The following ZFAND6 variants were observed in gnomAD, a reference collection of about 807,000 sequenced individuals.
The protein encoded by ZFAND6 is zinc finger AN1-type containing 6.
In ZFAND6, 12 loss-of-function variants were observed where a neutral mutation model predicts 24.5. The ratio of observed to expected loss-of-function variants is 0.49; its 90% CI spans 0.31 to 0.79. The LOEUF is 0.79. Among genes scored for constraint, ZFAND6 ranks in the 30% least tolerant of loss-of-function variants. ZFAND6 has a pLI of 0.04. For synonymous variants in ZFAND6, 92 were observed against 81.5 expected, an observed-to-expected ratio of 1.13 and a Z score of -0.69; for missense variants, 207 against 245.9, an observed-to-expected ratio of 0.84 and a Z score of 1.06.
At chr15:80,105,748 A>T (rs1277585450) in intron 2 of ZFAND6, among the ~76,000 whole-genome samples, 1 of 152,176 alleles carries the variant, frequency 6.6e-6, no homozygotes, top group African/African-American at 2.4e-5. Context: ...CTGTATATAT[A>T]ACAGTTGTTT....
intron 1 of ZFAND6, among the ~76,000 whole-genome samples, chr15:80,071,145 T>G (rs574374072): frequency 1.3e-5 from 2 of 152,248 alleles, no homozygotes; most frequent in South Asian, 4.1e-4. Flanking sequence ...ATTATGTGAA[T>G]TTTCAGTTTG....
At chr15:80,098,083 C>A (rs995377690) in intron 1 of ZFAND6, among the ~76,000 whole-genome samples, 1 of 152,102 alleles carries the variant, frequency 6.6e-6, no homozygotes, top group African/African-American at 2.4e-5. Flanking sequence ...TAAAAGTGTT[C>A]TTTAGTTGGT....
chr15:80,104,191 T>G (rs2039189918), intron 2 of ZFAND6, among the ~76,000 whole-genome samples: 1 of 152,176 alleles, frequency 6.6e-6, no homozygotes, highest in African/African-American at 2.4e-5. Context: ...GGCTGTTAAC[T>G]GAAGGTGGCC....
intron 2 of ZFAND6, among the ~76,000 whole-genome samples, chr15:80,105,171 T>C (rs182605908): frequency 2.8e-4 from 43 of 152,248 alleles, no homozygotes; most frequent in African/African-American, 9.2e-4. Flanking sequence ...TTTACAGTTA[T>C]AAATATTGAG....
intron 1 of ZFAND6, among the ~76,000 whole-genome samples, chr15:80,096,493 C>T (rs1442985367): frequency 2.0e-5 from 3 of 152,076 alleles, no homozygotes; most frequent in Non-Finnish European, 4.4e-5. Flanking sequence ...TCATATGTAC[C>T]ATATAAGTCG....
At chr15:80,076,206 A>G (rs2037264942) in intron 1 of ZFAND6, among the ~76,000 whole-genome samples, 3 of 152,096 alleles carry the variant, frequency 2.0e-5, no homozygotes, top group Admixed American at 2.0e-4. Flanking sequence ...CTGAATCTAA[A>G]ATCCAAAACT....
intron 2 of ZFAND6, among the ~76,000 whole-genome samples, chr15:80,113,073 A>G (rs1171938789): frequency 6.6e-6 from 1 of 152,166 alleles, no homozygotes; most frequent in Non-Finnish European, 1.5e-5. Flanking sequence ...TCAAAGCTTA[A>G]TGTGCATTCT....
At position 80,084,748 on chromosome 15, in the gene ZFAND6, A is replaced by G. The variant is rs116925253; in HGVS notation, c.-180-13668A>G. On this transcript the variant is annotated intron_variant, in intron 1 of 6. Transcript: ENST00000261749. ...GTCATTGAAGGTTTTTGCTTTTACT[A>G]ACCTGCAGATTTGACTCTGTATTAG... 4.2e-3 allele frequency among the ~76,000 whole-genome samples: 641 copies of G among 152,344 alleles called. 2 individuals are homozygous for G. Among genetic ancestry groups the G allele is most frequent in the Non-Finnish European group, 4.9e-3 (330 of 68,032 alleles).
intron 2 of ZFAND6, among the ~76,000 whole-genome samples, chr15:80,110,892 C>T (rs2039574140): frequency 6.6e-6 from 1 of 152,212 alleles, no homozygotes; most frequent in African/African-American, 2.4e-5. Flanking sequence ...CATGCCCAGC[C>T]TTGGCTCAGG....
intron 2 of ZFAND6, among the ~76,000 whole-genome samples, chr15:80,112,225 G>C (rs1444491307): frequency 6.6e-6 from 1 of 152,010 alleles, no homozygotes; most frequent in African/African-American, 2.4e-5. Flanking sequence ...GCGCCACTGC[G>C]CTCCAGCCTG....
intron 5 of ZFAND6, among the ~76,000 whole-genome samples, chr15:80,127,797 C>CA (rs1457257355): frequency 6.6e-6 from 1 of 152,030 alleles, no homozygotes; most frequent in Non-Finnish European, 1.5e-5. Flanking sequence ...CCTAGCTCCA[C>CA]AAAAAATTAA....
At chr15:80,133,206 T>G (rs960914587) in intron 6 of ZFAND6, among the ~76,000 whole-genome samples, 1 of 151,532 alleles carries the variant, frequency 6.6e-6, no homozygotes, top group Non-Finnish European at 1.5e-5. Context: ...TTTGTTTTTT[T>G]TTTTGAAATG....
chr15:80,127,315 CGGT>C (rs1173239594), intron 5 of ZFAND6, among the ~76,000 whole-genome samples: 1 of 151,816 alleles, frequency 6.6e-6, no homozygotes, highest in Non-Finnish European at 1.5e-5. Flanking sequence ...GGGCCGGGTG[CGGT>C]GGTTCACATC....
rs944210022 is a variant in ZFAND6 at position 80,059,769 on chromosome 15, C to G, written c.-221C>G. 6.6e-6 allele frequency: 1 copy of G among 152,150 alleles called. No individual in the cohort carries two copies. The highest frequency in any genetic ancestry group is 1.5e-5 in the Non-Finnish European group (1 of 68,112). The allele number at this position is 152,150 out of a possible 1,614,324, so 9.4% of individuals were successfully genotyped here. A position where few individuals can be genotyped will look rare whatever the true frequency, so the allele number is the denominator to read the frequency against. ...GTACCCATTCACCGGCGGCTACCGG[C>G]GGCGGCGCGCAGCGTGTCAGGCGGA... is the stretch of plus-strand genomic sequence containing the variant. On this transcript the variant is annotated 5_prime_UTR_variant, in exon 1 of 7. Transcript: ENST00000261749.
intron 1 of ZFAND6, among the ~76,000 whole-genome samples, chr15:80,084,226 C>T (rs1471700889): frequency 1.3e-5 from 2 of 152,104 alleles, no homozygotes; most frequent in Admixed American, 6.6e-5. Context: ...GTGAGATTTA[C>T]GAAGTGTAGG....
intron 1 of ZFAND6, among the ~76,000 whole-genome samples, chr15:80,086,044 A>T (rs2037981183): frequency 6.6e-6 from 1 of 151,836 alleles, no homozygotes; most frequent in Admixed American, 6.6e-5. Context: ...TTATTTATTT[A>T]TTTGTTTTTG....
chr15:80,096,467 A>T (rs918655191), intron 1 of ZFAND6, among the ~76,000 whole-genome samples: 2 of 152,238 alleles, frequency 1.3e-5, no homozygotes, highest in Non-Finnish European at 2.9e-5. Flanking sequence ...GAGATTTTGA[A>T]TTATTTTTAA....
At chr15:80,121,465 AG>A (rs1451268123) in intron 3 of ZFAND6, among the ~76,000 whole-genome samples, 1 of 152,214 alleles carries the variant, frequency 6.6e-6, no homozygotes, top group Non-Finnish European at 1.5e-5. Flanking sequence ...GGTGCTATTC[AG>A]TCCTAAGAAA....
intron 5 of ZFAND6, among the ~76,000 whole-genome samples, chr15:80,124,318 A>G (rs1418781734): frequency 2.0e-5 from 3 of 152,114 alleles, no homozygotes; most frequent in Non-Finnish European, 4.4e-5. Context: ...CTGTAGTCCT[A>G]GCTACTGGGG....
Sources: gnomAD v4.1 joint callset for allele counts (sites outside exome capture counted in the v4.1 genomes callset) on GRCh38, gnomAD v4.1.1 for gene constraint, MANE v1.5 for transcripts, NCBI Gene and HGNC (gene_info 2026-07-23, HGNC 2026-07-21) for gene names.